NUP107: variants seen among roughly 807,000 people sequenced by gnomAD.
NUP107 encodes nucleoporin 107.
NUP107 carries 101 observed loss-of-function variants against 141.0 expected under a neutral mutation model. That is an observed-to-expected ratio of 0.72 (90% CI 0.61 to 0.84). NUP107 has a LOEUF of 0.84. Among genes scored for constraint, NUP107 ranks in the 40% least tolerant of loss-of-function variants. NUP107 has a pLI of 0.00. For synonymous variants in NUP107, 319 were observed against 363.9 expected (o/e 0.88, Z 1.41); for missense variants, 941 against 1,102.7 (o/e 0.85, Z 2.08).
Position 68,735,276 on chromosome 12 carries a change from G to A in NUP107, c.2434G>A (p.Asp812Asn). ...AGGGCATTTGGATGCCCTAACTGCTGATGTGAAGGAGAAAATGTATAACGT... is the reference window on the plus strand; with the variant it reads ...AGGGCATTTGGATGCCCTAACTGCTAATGTGAAGGAGAAAATGTATAACGT... ...WKGHLDALTA[D>N]VKEKMYNVLL... The change falls in exon 26 of 28, where the codon GAT (aspartate) becomes AAT (asparagine). Residue 812 changes from aspartate (D) to asparagine (N), a missense_variant. By Grantham distance (23) the Asp-to-Asn change is conservative. Coordinates refer to ENST00000229179, the MANE Select transcript of NUP107 (RefSeq NM_020401.4). 1 of 1,614,090 alleles carries A rather than the reference G, an allele frequency of 6.2e-7. No individual in the cohort carries two copies. Among genetic ancestry groups the A allele is most frequent in the Non-Finnish European group, 8.5e-7 (1 of 1,179,966 alleles).
At chr12:68,732,858 T>A (rs1206276677) in intron 23 of NUP107, 119 bp downstream of exon 23, 16 of 569,652 alleles carry the variant, frequency 2.8e-5, no homozygotes, top group South Asian at 9.0e-5. Context: ...TTTTAAAAAA[T>A]TTTTTCTAGA....
intron 26 of NUP107, among the ~76,000 whole-genome samples, chr12:68,736,782 G>A (rs1443786120): frequency 1.4e-5 from 2 of 145,794 alleles, no homozygotes; most frequent in African/African-American, 5.1e-5. Flanking sequence ...GAGTGCAATG[G>A]CACAATCTTG....
At chr12:68,689,311 A>G (rs1032952521) in intron 2 of NUP107, among the ~76,000 whole-genome samples, 1 of 152,228 alleles carries the variant, frequency 6.6e-6, no homozygotes, top group Non-Finnish European at 1.5e-5. Flanking sequence ...TTGAAAACTG[A>G]CTAAAAACAT....
intron 10 of NUP107, among the ~76,000 whole-genome samples, chr12:68,710,651 T>TAAAA (rs35505754): frequency 1.8e-5 from 2 of 110,766 alleles, no homozygotes; most frequent in Non-Finnish European, 3.5e-5. Flanking sequence ...CAGGCCGTCT[T>TAAAA]AAAAAAAAAA....
chr12:68,698,592 A>G (rs1049323601), intron 6 of NUP107, among the ~76,000 whole-genome samples: 5 of 152,242 alleles, frequency 3.3e-5, no homozygotes, highest in African/African-American at 7.2e-5. Context: ...GAGCAGTGAA[A>G]CATTATTCAA....
At chr12:68,690,817 C>T in intron 4 of NUP107, 71 bp downstream of exon 4, 8 of 1,448,060 alleles carry the variant, frequency 5.5e-6, no homozygotes, top group Admixed American at 1.9e-5. Context: ...AATCTCAGCA[C>T]TCCCTGAACT....
At chr12:68,711,105 A>G (rs1876832430) in intron 10 of NUP107, among the ~76,000 whole-genome samples, 2 of 151,406 alleles carry the variant, frequency 1.3e-5, no homozygotes, top group South Asian at 4.2e-4. Context: ...AATACAAAAA[A>G]TTAGCCAGGC....
chr12:68,703,504 G>A (rs1300452624), intron 8 of NUP107, among the ~76,000 whole-genome samples: 5 of 151,114 alleles, frequency 3.3e-5, no homozygotes, highest in African/African-American at 9.7e-5. Flanking sequence ...AGGTTGGAGT[G>A]CAGTGGCACG....
rs1182853420 is a variant in NUP107 at position 68,743,889 on chromosome 12, T to A, written c.*1427T>A. ...TTATTCTTACTAATATGCAAATGAT[T>A]TTTACAGCTCATGCAGTCCTGTAAT... On this transcript the variant is annotated 3_prime_UTR_variant, in exon 28 of 28. Coordinates refer to ENST00000229179, the MANE Select transcript of NUP107 (RefSeq NM_020401.4). 1.3e-5 allele frequency: 2 copies of A among 152,234 alleles called. No homozygotes were observed. Among genetic ancestry groups the A allele is most frequent in the African/African-American group, 4.8e-5 (2 of 41,462 alleles). The allele number at this position is 152,234 out of a possible 1,614,324, so 9.4% of individuals were successfully genotyped here.
chr12:68,721,729 G>T, intron 15 of NUP107, 112 bp from the exon 16 acceptor site: 1 of 1,085,856 alleles, frequency 9.2e-7, no homozygotes. Flanking sequence ...AATCTGCCGT[G>T]TTTTATATCA....
intron 4 of NUP107, among the ~76,000 whole-genome samples, chr12:68,691,151 T>G (rs966385346): frequency 6.6e-6 from 1 of 152,164 alleles, no homozygotes; most frequent in Non-Finnish European, 1.5e-5. Flanking sequence ...TAACTTTAGG[T>G]TATATGGATT....
chr12:68,704,478 G>C (rs1876482607), intron 8 of NUP107, among the ~76,000 whole-genome samples: 1 of 151,348 alleles, frequency 6.6e-6, no homozygotes, highest in Admixed American at 6.6e-5. Flanking sequence ...TTAAGAGATA[G>C]GGTCTTGCTC....
chr12:68,700,645 A>T, intron 6 of NUP107, 81 bp from the exon 7 acceptor site: 1 of 886,082 alleles, frequency 1.1e-6, no homozygotes, highest in Non-Finnish European at 1.6e-6. Flanking sequence ...CAATTATTTT[A>T]GCACTCTATT....
At position 68,715,826 on chromosome 12, in the gene NUP107, CCTT is replaced by C. The variant is rs1877079855; in HGVS notation, c.1083+90_1083+92del. 7 of 716,028 alleles carry C rather than the reference CCTT, an allele frequency of 9.8e-6. No individual in the cohort carries two copies. The South Asian group carries it at 1.3e-4, about 13-fold the overall frequency. 44.4% of individuals were successfully genotyped at this position (716,028 alleles called of 1,614,324 possible). A position where few individuals can be genotyped will look rare whatever the true frequency, so the allele number is the denominator to read the frequency against. On this transcript the variant is annotated intron_variant, in intron 12 of 27. Transcript: ENST00000229179. ...GAGATTTTTGTGGCTGCCTAGTAAG[CCTT>C]CTTAATGTAGTAATTCCATTCATGG...
At chr12:68,729,860 A>G (rs1256701061) in intron 20 of NUP107, among the ~76,000 whole-genome samples, 4 of 150,444 alleles carry the variant, frequency 2.7e-5, no homozygotes, top group Non-Finnish European at 5.9e-5. Context: ...GCGCAATCTC[A>G]GCTCACTGTA....
In NUP107 at chr12:68,726,728, T is replaced by C. The variant is rs549879856; in HGVS notation, c.1695+111T>C. 2.5e-4 allele frequency: 185 copies of C among 737,524 alleles called. 1 individual carries two copies. The African/African-American group carries it at 2.8e-3, about 11-fold the overall frequency. The allele number at this position is 737,524 out of a possible 1,614,324, so 45.7% of individuals were successfully genotyped here. ...GTTTTCTAGAAATGGTGATAAGGAATCAAAAGTCTTCCATATAGTCTTGTA... is the reference window on the plus strand; with the variant it reads ...GTTTTCTAGAAATGGTGATAAGGAACCAAAAGTCTTCCATATAGTCTTGTA... On this transcript the variant is annotated intron_variant, in intron 19 of 27. Transcript: ENST00000229179.
intron 19 of NUP107, 95 bp downstream of exon 19, chr12:68,726,712 A>G: frequency 1.2e-6 from 1 of 811,188 alleles, no homozygotes; most frequent in Non-Finnish European, 2.0e-6. Context: ...TGTTTTCTAG[A>G]AATGGTGATA....
intron 20 of NUP107, among the ~76,000 whole-genome samples, chr12:68,730,157 G>T (rs189207133): frequency 6.8e-6 from 1 of 146,340 alleles, no homozygotes; most frequent in East Asian, 2.0e-4. Context: ...GTAGAGACTG[G>T]GTCTCACTAT....
intron 23 of NUP107, 53 bp downstream of exon 23, chr12:68,732,792 A>T: frequency 8.3e-7 from 1 of 1,208,906 alleles, no homozygotes; most frequent in Non-Finnish European, 1.2e-6. Flanking sequence ...TCTTCTTCCT[A>T]CCTCAGCCTC....
Sources: allele counts gnomAD v4.1 joint callset (sites outside exome capture counted in the v4.1 genomes callset), GRCh38; gene constraint gnomAD v4.1.1; transcripts MANE v1.5; gene names NCBI Gene and HGNC (gene_info 2026-07-23, HGNC 2026-07-21).